QSOX1: variants seen among roughly 807,000 people sequenced by gnomAD.
The protein encoded by QSOX1 is quiescin sulfhydryl oxidase 1, also known as sulfhydryl oxidase 1.
In QSOX1, 40 loss-of-function variants were observed where a neutral mutation model predicts 76.1. The observed-to-expected ratio is 0.53, with a 90% confidence interval of 0.41 to 0.68. The LOEUF is 0.68. Ranked by LOEUF, QSOX1 falls within the 30% of genes least tolerant of loss-of-function variation. QSOX1 has a pLI of 0.00. For synonymous variants in QSOX1, 392 were observed against 413.1 expected (o/e 0.95, Z 0.62); for missense variants, 931 against 974.3 (o/e 0.96, Z 0.59).
chr1:180,166,935 C>T (rs1004125076), intron 2 of QSOX1, among the ~76,000 whole-genome samples: 1 of 152,230 alleles, frequency 6.6e-6, no homozygotes, highest in African/African-American at 2.4e-5. Flanking sequence ...GGCAAAAATG[C>T]CTTGAACCAC....
intron 2 of QSOX1, among the ~76,000 whole-genome samples, chr1:180,168,206 C>T (rs957351692): frequency 6.6e-6 from 1 of 152,252 alleles, no homozygotes; most frequent in Non-Finnish European, 1.5e-5. Context: ...TGTCACGCAG[C>T]GCACGCAGCC....
At position 180,199,697 on chromosome 1, in the gene QSOX1, G is replaced by T. The variant is rs1198234043; in HGVS notation, c.*2660G>T. The T allele has an allele frequency of 2.6e-5, 4 of 151,906 alleles. No homozygotes were observed. The highest frequency in any genetic ancestry group is 1.5e-5 in the Non-Finnish European group (1 of 68,036). 9.4% of individuals were successfully genotyped at this position (151,906 alleles called of 1,614,324 possible). On this transcript the variant is annotated 3_prime_UTR_variant, in exon 12 of 12. Transcript: ENST00000367602. ...ATGGGGCTTCCGTTCTAGAGGCAAG[G>T]ACAGGTTGTGATGAGGGTTCTGAAG...
intron 7 of QSOX1, among the ~76,000 whole-genome samples, chr1:180,184,841 G>A (rs1013054360): frequency 1.3e-5 from 2 of 152,216 alleles, no homozygotes; most frequent in African/African-American, 4.8e-5. Context: ...GGTGGAAAGT[G>A]CCAAATGGAG....
intron 1 of QSOX1, among the ~76,000 whole-genome samples, chr1:180,158,780 T>C (rs188082310): frequency 6.6e-6 from 1 of 152,288 alleles, no homozygotes; most frequent in Admixed American, 6.5e-5. Flanking sequence ...GCCTCTGTCT[T>C]CATGGAAGTC....
Position 180,197,824 on chromosome 1 carries a change from C to G in QSOX1, c.*787C>G, listed in dbSNP as rs1266319183. The G allele has an allele frequency of 3.8e-6, 1 of 260,988 alleles. No individual in the cohort carries two copies. The highest frequency in any genetic ancestry group is 2.2e-5 in the African/African-American group (1 of 44,680). The allele number at this position is 260,988 out of a possible 1,614,324, so 16.2% of individuals were successfully genotyped here. Reference sequence around the variant, plus strand: ...GCTCCCTCTGAGCCTGGTCTTTTGTCCTTTTTTATTTTGGTCTCCAAGATG... The same window carrying G: ...GCTCCCTCTGAGCCTGGTCTTTTGTGCTTTTTTATTTTGGTCTCCAAGATG... On this transcript the variant is annotated 3_prime_UTR_variant, in exon 12 of 12. Coordinates refer to ENST00000367602, the MANE Select transcript of QSOX1 (RefSeq NM_002826.5).
chr1:180,189,725 G>A, intron 9 of QSOX1, 51 bp downstream of exon 9: 9 of 1,584,786 alleles, frequency 5.7e-6, no homozygotes, highest in South Asian at 1.1e-5. Context: ...ATTTATGAGA[G>A]TGCAAGGGGT....
intron 2 of QSOX1, among the ~76,000 whole-genome samples, chr1:180,169,082 AG>A (rs1662704356): frequency 6.6e-6 from 1 of 152,240 alleles, no homozygotes; most frequent in East Asian, 1.9e-4. Context: ...AGCTTCTACC[AG>A]CCCAGCCTGT....
intron 11 of QSOX1, among the ~76,000 whole-genome samples, chr1:180,194,999 G>GGGT (rs1553275529): frequency 6.6e-6 from 1 of 150,428 alleles, no homozygotes; most frequent in East Asian, 2.0e-4. Flanking sequence ...AGCCTCCCGG[G>GGGT]GGGGGGAGAC....
intron 10 of QSOX1, among the ~76,000 whole-genome samples, chr1:180,193,959 C>T (rs1443152938): frequency 1.3e-5 from 2 of 152,110 alleles, no homozygotes; most frequent in African/African-American, 2.4e-5. Context: ...GAGTGACAGG[C>T]ACCCAGGTTA....
At chr1:180,189,764 C>G in intron 9 of QSOX1, 90 bp downstream of exon 9, 1 of 1,426,716 alleles carries the variant, frequency 7.0e-7, no homozygotes, top group Non-Finnish European at 9.5e-7. Context: ...CCTTCTTCGC[C>G]AGTTTGCACC....
intron 8 of QSOX1, among the ~76,000 whole-genome samples, chr1:180,187,018 G>A (rs895514859): frequency 1.3e-5 from 2 of 152,216 alleles, no homozygotes; most frequent in Admixed American, 6.5e-5. Context: ...GGGTTTGGCC[G>A]CTGGCTCAGC....
rs1663086699 is a variant in QSOX1, at chr1:180,183,352, C to T, written c.753-564C>T. Among the ~76,000 whole-genome samples the T allele has an allele frequency of 2.3e-5, 3 of 132,564 alleles. No homozygotes were observed. The Admixed American group carries it at 2.4e-4, about 10-fold the overall frequency. 87.0% of individuals were successfully genotyped at this position (132,564 alleles called of 152,430 possible). On this transcript the variant is annotated intron_variant, in intron 6 of 11. Transcript: ENST00000367602. ...GTATCCCGTGCCCTGGAGGACTCCTCCCTGTCGGAAAAAAGAAAGAAACCA... is the reference window on the plus strand; with the variant it reads ...GTATCCCGTGCCCTGGAGGACTCCTTCCTGTCGGAAAAAAGAAAGAAACCA...
Position 180,197,798 on chromosome 1 carries a change from T to G in QSOX1, c.*761T>G. The G allele has an allele frequency of 3.7e-6, 1 of 271,432 alleles. No homozygotes were observed. The allele number at this position is 271,432 out of a possible 1,614,324, so 16.8% of individuals were successfully genotyped here. On this transcript the variant is annotated 3_prime_UTR_variant, in exon 12 of 12. Transcript: ENST00000367602. ...GCTTTCACTTCCCCCCATTGAGCTC[T>G]GCTCCCTCTGAGCCTGGTCTTTTGT...
At chr1:180,181,977 G>A (rs568267086) in intron 5 of QSOX1, among the ~76,000 whole-genome samples, 197 bp from the exon 6 acceptor site, 1 of 152,244 alleles carries the variant, frequency 6.6e-6, no homozygotes, top group Non-Finnish European at 1.5e-5. Flanking sequence ...GCAGTGATTG[G>A]CACTTGCTAC....
At chr1:180,173,530 GAA>G (rs753546705) in intron 2 of QSOX1, among the ~76,000 whole-genome samples, 1 of 152,170 alleles carries the variant, frequency 6.6e-6, no homozygotes, top group Non-Finnish European at 1.5e-5. Flanking sequence ...TTAATGTTTT[GAA>G]AAGAGAGAGT....
At chr1:180,159,036 G>A (rs1336062553) in intron 1 of QSOX1, among the ~76,000 whole-genome samples, 2 of 152,152 alleles carry the variant, frequency 1.3e-5, no homozygotes, top group Non-Finnish European at 1.5e-5. Flanking sequence ...GGCAGGGGAC[G>A]CTGCCCTTGA....
At chr1:180,192,220 G>A (rs995930446) in intron 10 of QSOX1, among the ~76,000 whole-genome samples, 7 of 152,214 alleles carry the variant, frequency 4.6e-5, no homozygotes, top group African/African-American at 1.7e-4. Flanking sequence ...TGTGTGGGCA[G>A]CACTGAAAGA....
rs541568341 is a variant in QSOX1 at position 180,197,632 on chromosome 1, C to A, written c.*595C>A. On this transcript the variant is annotated 3_prime_UTR_variant, in exon 12 of 12. Transcript: ENST00000367602. ...GGTTTGGAAGCTTCTGGAAGTCGTG[C>A]TGGTCTCCCAGGTGAGGCAAGCCAT... 6.1e-4 allele frequency: 298 copies of A among 488,868 alleles called. No homozygotes were observed. The highest frequency in any genetic ancestry group is 1.1e-3 in the Middle Eastern group (2 of 1,802). 30.3% of individuals were successfully genotyped at this position (488,868 alleles called of 1,614,324 possible). A position where few individuals can be genotyped will look rare whatever the true frequency, so the allele number is the denominator to read the frequency against.
chr1:180,163,199 C>T (rs1006855034), intron 1 of QSOX1, among the ~76,000 whole-genome samples: 2 of 151,472 alleles, frequency 1.3e-5, no homozygotes, highest in Non-Finnish European at 2.9e-5. Context: ...CTTTTCTCTT[C>T]ACAACTTCCT....
Sources: allele counts gnomAD v4.1 joint callset (sites outside exome capture counted in the v4.1 genomes callset), GRCh38; gene constraint gnomAD v4.1.1; transcripts MANE v1.5; gene names NCBI Gene and HGNC (gene_info 2026-07-23, HGNC 2026-07-21).